Variants in ENPP3 observed in about 807,000 individuals in gnomAD.
ENPP3 encodes the protein ectonucleotide pyrophosphatase/phosphodiesterase 3.
In ENPP3, 104 loss-of-function variants were observed where a neutral mutation model predicts 117.8. The observed-to-expected ratio is 0.88, with a 90% CI of 0.75 to 1.04. ENPP3 has a LOEUF of 1.04. Ranked by LOEUF, ENPP3 falls within the 50% of genes least tolerant of loss-of-function variation. The pLI is 0.00. For synonymous variants in ENPP3, 380 were observed against 349.9 expected (o/e 1.09, Z -0.96); for missense variants, 1,026 against 1,051.9 (o/e 0.98, Z 0.34).
intron 11 of ENPP3, 38 bp from the exon 12 acceptor site, chr6:131,683,016 A>G (rs1434087489): frequency 2.5e-6 from 3 of 1,222,182 alleles, no homozygotes. Context: ...AATTAAGACA[A>G]CTCATTACGA....
chr6:131,726,811 T>TAGTA (rs1473201846), intron 20 of ENPP3, among the ~76,000 whole-genome samples: 1 of 152,166 alleles, frequency 6.6e-6, no homozygotes, highest in African/African-American at 2.4e-5. Context: ...TTGCACTAAG[T>TAGTA]AGTACCAGGA....
intron 3 of ENPP3, 105 bp from the exon 4 acceptor site, chr6:131,652,437 C>A: frequency 3.3e-6 from 4 of 1,198,420 alleles, no homozygotes; most frequent in Middle Eastern, 4.2e-4. Flanking sequence ...TACAGATAAA[C>A]CAAGAATTTG....
intron 15 of ENPP3, among the ~76,000 whole-genome samples, chr6:131,699,133 G>A (rs1426787412): frequency 6.7e-6 from 1 of 148,178 alleles, no homozygotes; most frequent in East Asian, 2.0e-4. Context: ...AGCTACTTAG[G>A]AGGCTGAGGC....
chr6:131,674,290 C>G lies in ENPP3; in HGVS notation c.762+9C>G, dbSNP rs1386249338. On this transcript the variant is annotated intron_variant, in intron 8 of 24. Coordinates refer to ENST00000357639, the MANE Select transcript of ENPP3 (RefSeq NM_005021.5). ...GGTGGCATGGGCAACCAGTATGTAG[C>G]ATTCTACACGTCGCAACTGAAGTAA... The G allele has an allele frequency of 1.2e-6, 2 of 1,613,172 alleles. No individual in the cohort carries two copies. Among genetic ancestry groups the G allele is most frequent in the Non-Finnish European group, 8.5e-7 (1 of 1,179,354 alleles).
chr6:131,703,877 C>T (rs1308014462), intron 15 of ENPP3, among the ~76,000 whole-genome samples: 4 of 151,376 alleles, frequency 2.6e-5, no homozygotes, highest in African/African-American at 9.7e-5. Flanking sequence ...ATAGGCTTCA[C>T]TTGCACCAGC....
intron 17 of ENPP3, among the ~76,000 whole-genome samples, chr6:131,721,115 T>TA (rs1238012286): frequency 1.3e-5 from 2 of 152,176 alleles, no homozygotes; most frequent in Non-Finnish European, 2.9e-5. Context: ...TACTCAATGT[T>TA]AAAAAACCTT....
intron 18 of ENPP3, 105 bp downstream of exon 18, chr6:131,722,510 T>G: frequency 4.7e-6 from 4 of 853,132 alleles, no homozygotes; most frequent in Non-Finnish European, 7.5e-6. Context: ...TGTTCCGCCT[T>G]GGATATTTAC....
intron 24 of ENPP3, among the ~76,000 whole-genome samples, chr6:131,742,058 G>A (rs1780537365): frequency 6.6e-6 from 1 of 152,056 alleles, no homozygotes; most frequent in Admixed American, 6.6e-5. Context: ...ATTTCAGTTG[G>A]GTCATGTAGA....
rs540011427 is a variant in ENPP3, at chr6:131,641,799, G to GTTTTTTTTTTTTTTT, written c.154+279_154+293dup. 1.6e-4 allele frequency among the ~76,000 whole-genome samples: 10 copies of GTTTTTTTTTTTTTTT among 64,060 alleles called. 1 individual carries two copies. The highest frequency in any genetic ancestry group is 3.7e-4 in the African/African-American group (5 of 13,510). 42.0% of individuals were successfully genotyped at this position (64,060 alleles called of 152,430 possible). ...TTTTCTCTTACCTTTCTCCACCCTG[G>GTTTTTTTTTTTTTTT]TTTTTTTTTTTTTTTTTTTTTTTTG... On this transcript the variant is annotated intron_variant, in intron 2 of 24. Transcript: ENST00000357639.
chr6:131,698,414 A>T (rs1332864496), intron 15 of ENPP3, among the ~76,000 whole-genome samples: 7 of 107,288 alleles, frequency 6.5e-5, no homozygotes, highest in African/African-American at 2.6e-4. Context: ...TATCATATTT[A>T]TTTGTATTTT....
At chr6:131,692,082 TC>T (rs140778214) in intron 14 of ENPP3, among the ~76,000 whole-genome samples, 11,400 of 152,192 alleles carry the variant, frequency 0.075, 835 homozygotes, top group East Asian at 0.33. Flanking sequence ...CTCTTATTTT[TC>T]TTATCTAAAT....
chr6:131,640,241 C>T (rs1778013607), intron 1 of ENPP3, among the ~76,000 whole-genome samples: 1 of 152,064 alleles, frequency 6.6e-6, no homozygotes, highest in South Asian at 2.1e-4. Context: ...GAAGGAGTTC[C>T]CCAACGTTGT....
At chr6:131,677,572 A>C (rs1778896836) in intron 10 of ENPP3, among the ~76,000 whole-genome samples, 1 of 152,180 alleles carries the variant, frequency 6.6e-6, no homozygotes, top group African/African-American at 2.4e-5. Context: ...AAAGTCAGAA[A>C]CCAGGAAACA....
At chr6:131,710,758 T>G in intron 15 of ENPP3, 2 of 1,612,598 alleles carry the variant, frequency 1.2e-6, no homozygotes, top group Non-Finnish European at 1.7e-6. Context: ...ACATTTTTCT[T>G]CAATTAGTCC....
intron 11 of ENPP3, among the ~76,000 whole-genome samples, chr6:131,680,003 C>T (rs377088205): frequency 1.3e-5 from 2 of 152,188 alleles, no homozygotes; most frequent in East Asian, 3.9e-4. Flanking sequence ...CAGGTCCTTG[C>T]AGTCTAGAAA....
At chr6:131,724,933 G>C (rs373968257) in intron 19 of ENPP3, among the ~76,000 whole-genome samples, 40 of 152,044 alleles carry the variant, frequency 2.6e-4, no homozygotes, top group African/African-American at 9.4e-4. Flanking sequence ...AAACAGCAGG[G>C]CATGGTGGCT....
In ENPP3 at chr6:131,726,066, AATTTGCC is replaced by A; in HGVS notation, c.1825_1831del (p.Pro609GlyfsTer28). The A allele has an allele frequency of 6.2e-7, 1 of 1,611,906 alleles. No individual in the cohort carries two copies. The highest frequency in any genetic ancestry group is 8.5e-7 in the Non-Finnish European group (1 of 1,178,468). Reference sequence around the variant, plus strand: ...TTTAGTAACAGCAACAGTGAAAGTAAATTTGCCATTTGGGAGGCCTAGGGTACTGCAG... The same window carrying A: ...TTTAGTAACAGCAACAGTGAAAGTAAATTTGGGAGGCCTAGGGTACTGCAG... On this transcript the variant is annotated frameshift_variant, in exon 20 of 25. Transcript: ENST00000357639. LOFTEE classifies it high-confidence loss of function.
At chr6:131,678,917 C>CTTTA (rs1318186060) in intron 11 of ENPP3, among the ~76,000 whole-genome samples, 1 of 66,508 alleles carries the variant, frequency 1.5e-5, no homozygotes, top group Non-Finnish European at 2.7e-5. Flanking sequence ...CTCTTTCTTT[C>CTTTA]TTTCTTTCTT....
intron 17 of ENPP3, among the ~76,000 whole-genome samples, chr6:131,721,060 A>G (rs972919248): frequency 6.6e-6 from 1 of 152,238 alleles, no homozygotes; most frequent in Non-Finnish European, 1.5e-5. Flanking sequence ...TCTCTGGCAT[A>G]AAAACATGGG....
Sources: gnomAD v4.1 joint callset for allele counts (sites outside exome capture counted in the v4.1 genomes callset) on GRCh38, gnomAD v4.1.1 for gene constraint, MANE v1.5 for transcripts, NCBI Gene and HGNC (gene_info 2026-07-23, HGNC 2026-07-21) for gene names.